IQSEC1: variants seen among roughly 807,000 people sequenced by gnomAD.
IQSEC1 encodes IQ motif and SEC7 domain-containing protein 1.
IQSEC1 carries 31 observed loss-of-function variants against 91.0 expected under a neutral mutation model. The observed-to-expected ratio is 0.34, with a 90% confidence interval of 0.26 to 0.46. The LOEUF is 0.46. Among genes scored for constraint, IQSEC1 ranks in the 20% least tolerant of loss-of-function variants. The probability of loss-of-function intolerance (pLI) is 1.00; values close to 1 mark genes in which losing one functional copy is unlikely to be tolerated. For synonymous variants in IQSEC1, 699 were observed against 662.6 expected (o/e 1.05, Z -0.84); for missense variants, 1,388 against 1,575.6 (o/e 0.88, Z 2.02).
chr3:13,246,839 G>A (rs1297199096), intron 1 of IQSEC1, among the ~76,000 whole-genome samples: 1 of 152,166 alleles, frequency 6.6e-6, no homozygotes, highest in Non-Finnish European at 1.5e-5. Context: ...TATGAGCCCT[G>A]CCACCCTTCC....
Position 12,967,744 on chromosome 3 carries a change from CGGGGGCGGGGCCG to C in IQSEC1, c.24-25892_24-25880del. 9.8e-7 allele frequency: 1 copy of C among 1,025,488 alleles called. No homozygotes were observed. The highest frequency in any genetic ancestry group is 1.2e-6 in the Non-Finnish European group (1 of 851,132). The allele number at this position is 1,025,488 out of a possible 1,614,324, so 63.5% of individuals were successfully genotyped here. ...TGGCCCTGAAGTGGGCGGGGCAGGGCGGGGGCGGGGCCGGAGGGCGAGCTGGGGGCGGGGCCGG... is the reference window on the plus strand; with the variant it reads ...TGGCCCTGAAGTGGGCGGGGCAGGGCGAGGGCGAGCTGGGGGCGGGGCCGG... On this transcript the variant is annotated intron_variant, in intron 1 of 13. Transcript: ENST00000613206. This position sits in a 1 kb window ranked among gnomAD's most constrained non-coding sequence, Gnocchi z 5.9.
chr3:13,049,815 A>G (rs1704627649), intron 1 of IQSEC1, among the ~76,000 whole-genome samples: 1 of 152,180 alleles, frequency 6.6e-6, no homozygotes, highest in South Asian at 2.1e-4. Context: ...TCATTGAGCT[A>G]TGCAACAGAG....
At chr3:13,223,050 T>C (rs1047754552) in intron 1 of IQSEC1, among the ~76,000 whole-genome samples, 1 of 152,230 alleles carries the variant, frequency 6.6e-6, no homozygotes, top group African/African-American at 2.4e-5. Flanking sequence ...ACTGTGGTTC[T>C]AGAAGGCTCT....
At chr3:13,101,000 G>C (rs1706048432) in intron 2 of IQSEC1, among the ~76,000 whole-genome samples, 1 of 124,494 alleles carries the variant, frequency 8.0e-6, no homozygotes, top group African/African-American at 3.4e-5. Context: ...GAGTGCTCCA[G>C]ACAGAGAAAA....
At chr3:13,030,309 C>G (rs140761188) in intron 1 of IQSEC1, among the ~76,000 whole-genome samples, 1 of 152,172 alleles carries the variant, frequency 6.6e-6, no homozygotes, top group Non-Finnish European at 1.5e-5. Flanking sequence ...ATCCGCCAGG[C>G]TGGTCTCGAA....
chr3:13,020,178 C>T (rs1380315075), intron 1 of IQSEC1, among the ~76,000 whole-genome samples: 1 of 152,210 alleles, frequency 6.6e-6, no homozygotes, highest in African/African-American at 2.4e-5. Context: ...GGAGAGCTCA[C>T]CAAAGTCCAG....
intron 1 of IQSEC1, among the ~76,000 whole-genome samples, chr3:13,016,634 C>A (rs1559721431): frequency 1.3e-5 from 2 of 152,194 alleles, no homozygotes; most frequent in Non-Finnish European, 2.9e-5. Context: ...GTCCTTACAC[C>A]AGCTGCTCTC....
intron 2 of IQSEC1, among the ~76,000 whole-genome samples, chr3:13,141,649 G>A (rs1706800969): frequency 6.6e-6 from 1 of 152,224 alleles, no homozygotes; most frequent in African/African-American, 2.4e-5. Context: ...GACTCACCCA[G>A]AAGAAAAAGA....
chr3:13,216,378 A>G (rs1279921946), intron 1 of IQSEC1, among the ~76,000 whole-genome samples: 1 of 152,204 alleles, frequency 6.6e-6, no homozygotes. Flanking sequence ...AGCAGGGGAC[A>G]GGGGGCCCTC....
At chr3:13,267,529 T>C (rs1695512874) in intron 1 of IQSEC1, among the ~76,000 whole-genome samples, 1 of 152,018 alleles carries the variant, frequency 6.6e-6, no homozygotes, top group Non-Finnish European at 1.5e-5. Flanking sequence ...ATCTGATGAA[T>C]GAAAATCTGG....
At chr3:13,127,868 T>TTC (rs748056011) in intron 2 of IQSEC1, among the ~76,000 whole-genome samples, 17 of 152,376 alleles carry the variant, frequency 1.1e-4, no homozygotes, top group Non-Finnish European at 2.5e-4. Flanking sequence ...AGTATACAGA[T>TTC]TCTGTACATG....
chr3:12,998,774 T>A (rs1702314380), intron 1 of IQSEC1, among the ~76,000 whole-genome samples: 1 of 152,050 alleles, frequency 6.6e-6, no homozygotes, highest in South Asian at 2.1e-4. Context: ...TGGGGAAGGT[T>A]CTGGGTGATG....
chr3:13,120,752 C>T (rs1004927223), intron 2 of IQSEC1, among the ~76,000 whole-genome samples: 2 of 152,102 alleles, frequency 1.3e-5, no homozygotes, highest in South Asian at 2.1e-4. Flanking sequence ...ACCTGCACAC[C>T]GGTACCCTCA....
chr3:13,028,151 T>G (rs1262287012), intron 1 of IQSEC1, among the ~76,000 whole-genome samples: 1 of 151,868 alleles, frequency 6.6e-6, no homozygotes, highest in Non-Finnish European at 1.5e-5. Context: ...GGGGTTTGCT[T>G]ATCCATTTCT....
chr3:13,009,665 ATATG>A (rs1702791179), intron 1 of IQSEC1, among the ~76,000 whole-genome samples: 1 of 118,174 alleles, frequency 8.5e-6, no homozygotes, highest in African/African-American at 3.4e-5. Flanking sequence ...TTGTATATAT[ATATG>A]TGTGTGTGTG....
Position 12,940,334 on chromosome 3 carries a change from C to G in IQSEC1, c.318+1237G>C, listed in dbSNP as rs1049918379. Among the ~76,000 whole-genome samples, 3 of 152,060 alleles carry G rather than the reference C, an allele frequency of 2.0e-5. No homozygotes were observed. Among genetic ancestry groups the G allele is most frequent in the African/African-American group, 7.2e-5 (3 of 41,388 alleles). Reference sequence around the variant, plus strand: ...TTAGGAAGTTGGGGCACACCAGGCCCAGAACTCTACTCCTTAAAGGACAAA... The same window carrying G: ...TTAGGAAGTTGGGGCACACCAGGCCGAGAACTCTACTCCTTAAAGGACAAA... On this transcript the variant is annotated intron_variant, in intron 2 of 13. Transcript: ENST00000613206. This position sits in a 1 kb window ranked among gnomAD's most constrained non-coding sequence, Gnocchi z 4.4.
At chr3:12,996,505 T>C (rs150250511) in intron 1 of IQSEC1, among the ~76,000 whole-genome samples, 8 of 152,318 alleles carry the variant, frequency 5.3e-5, no homozygotes, top group African/African-American at 1.9e-4. Flanking sequence ...GTAAATATTT[T>C]CATTCCCAGG....
intron 1 of IQSEC1, among the ~76,000 whole-genome samples, chr3:13,187,459 C>G (rs1559273118): frequency 6.6e-6 from 1 of 152,188 alleles, no homozygotes; most frequent in African/African-American, 2.4e-5. Flanking sequence ...TGAAGCCTAT[C>G]ATGGAATACA....
At chr3:13,254,624 G>T (rs1695255311) in intron 1 of IQSEC1, among the ~76,000 whole-genome samples, 1 of 152,218 alleles carries the variant, frequency 6.6e-6, no homozygotes, top group Non-Finnish European at 1.5e-5. Context: ...TTTGAGTAAA[G>T]CCCAAACCGC....
Sources: gnomAD v4.1 joint callset for allele counts (sites outside exome capture counted in the v4.1 genomes callset) on GRCh38, gnomAD v4.1.1 for gene constraint, Gnocchi (gnomAD v3.1) non-coding constraint, MANE v1.5 for transcripts, NCBI Gene and HGNC (gene_info 2026-07-23, HGNC 2026-07-21) for gene names.